The following CSMD1 variants were observed in gnomAD, a reference collection of about 807,000 sequenced individuals.
CSMD1 encodes the protein CUB and Sushi multiple domains 1.
CSMD1 carries 213 observed loss-of-function variants against 417.5 expected under a neutral mutation model. The observed-to-expected ratio is 0.51, with a 90% confidence interval of 0.46 to 0.57. CSMD1 has a LOEUF of 0.57. Among genes scored for constraint, CSMD1 ranks in the 20% least tolerant of loss-of-function variants. The pLI, the probability that CSMD1 is intolerant of heterozygous loss-of-function variation, is 0.00. For synonymous variants in CSMD1, 2,862 were observed against 1,736.8 expected (o/e 1.65, Z -16.11); for missense variants, 6,923 against 4,529.7 (o/e 1.53, Z -15.17).
intron 3 of CSMD1, among the ~76,000 whole-genome samples, chr8:4,236,025 T>TA (rs1802025101): frequency 5.5e-5 from 1 of 18,202 alleles, no homozygotes; most frequent in African/African-American, 6.3e-5. Flanking sequence ...TAATGGATAT[T>TA]GTTTTTTTTG....
intron 7 of CSMD1, among the ~76,000 whole-genome samples, chr8:3,647,045 G>A (rs940698987): frequency 1.3e-5 from 2 of 152,252 alleles, no homozygotes; most frequent in East Asian, 3.9e-4. Flanking sequence ...GGTGCTTCTT[G>A]CGTGTCAGCT....
chr8:3,338,637 C>T (rs1807430259), intron 23 of CSMD1, among the ~76,000 whole-genome samples: 1 of 152,266 alleles, frequency 6.6e-6, no homozygotes, highest in South Asian at 2.1e-4. Flanking sequence ...ACCAGCTATG[C>T]AGCTGATTCA....
At chr8:3,642,858 T>C (rs916924840) in intron 7 of CSMD1, among the ~76,000 whole-genome samples, 1 of 151,898 alleles carries the variant, frequency 6.6e-6, no homozygotes, top group African/African-American at 2.4e-5. Flanking sequence ...TATATCTATA[T>C]ATAGATTATA....
intron 2 of CSMD1, among the ~76,000 whole-genome samples, chr8:4,486,769 G>A (rs1161268251): frequency 1.3e-5 from 2 of 152,200 alleles, no homozygotes; most frequent in African/African-American, 4.8e-5. Flanking sequence ...CGAAGAACCT[G>A]AGTGATAAAC....
chr8:3,576,006 GAC>G (rs35389358), intron 9 of CSMD1, among the ~76,000 whole-genome samples: 62,590 of 151,638 alleles, frequency 0.41, 13,381 homozygotes, highest in Middle Eastern at 0.51. Flanking sequence ...ATTTTCCTAA[GAC>G]ATCCTATGAC....
intron 26 of CSMD1, among the ~76,000 whole-genome samples, chr8:3,281,846 T>G (rs10094873): frequency 0.75 from 114,291 of 151,992 alleles, 43,327 homozygotes; most frequent in Admixed American, 0.84. Flanking sequence ...CCTGGAGGGG[T>G]TGATTGGATC....
intron 2 of CSMD1, among the ~76,000 whole-genome samples, chr8:4,538,030 G>A (rs570851093): frequency 6.6e-6 from 1 of 152,084 alleles, no homozygotes; most frequent in Non-Finnish European, 1.5e-5. Context: ...ACATAACTGA[G>A]TATAAATATA....
In CSMD1 at chr8:3,891,107, G is replaced by C. The variant is rs1384010101; in HGVS notation, c.818+106796C>G. The stretch of plus-strand genomic sequence containing the variant: ...TCTGTCATCCAGGCTGGAGTGTAGT[G>C]TTGTGATCTTGGCTCATTACAACCT... On this transcript the variant is annotated intron_variant, in intron 5 of 69. Transcript: ENST00000635120. 2.6e-5 allele frequency among the ~76,000 whole-genome samples: 4 copies of C among 151,960 alleles called. 1 individual carries two copies. In the South Asian group the frequency reaches 6.2e-4, roughly 24 times the overall value.
chr8:4,627,292 G>C (rs758504513), intron 2 of CSMD1, among the ~76,000 whole-genome samples: 3 of 152,070 alleles, frequency 2.0e-5, no homozygotes, highest in Non-Finnish European at 4.4e-5. Context: ...ACAGAAAAAA[G>C]TCACTCAGCT....
At chr8:4,826,188 T>G (rs1799814997) in intron 1 of CSMD1, among the ~76,000 whole-genome samples, 2 of 152,106 alleles carry the variant, frequency 1.3e-5, no homozygotes, top group South Asian at 2.1e-4. Context: ...AGTACCCCAG[T>G]GTTCATTGTT....
chr8:4,064,573 C>T (rs1361428837), intron 3 of CSMD1, among the ~76,000 whole-genome samples: 1 of 152,212 alleles, frequency 6.6e-6, no homozygotes, highest in Admixed American at 6.5e-5. Flanking sequence ...CTCCTACTTC[C>T]ACCCTGTCAT....
chr8:3,031,260 A>G (rs1259906849), intron 50 of CSMD1, among the ~76,000 whole-genome samples: 1 of 144,226 alleles, frequency 6.9e-6, no homozygotes, highest in African/African-American at 2.5e-5. Flanking sequence ...TGGGAATTGA[A>G]CAACAAGATC....
At chr8:3,877,224 G>C (rs77151176) in intron 5 of CSMD1, among the ~76,000 whole-genome samples, 15 of 152,196 alleles carry the variant, frequency 9.9e-5, no homozygotes, top group African/African-American at 3.4e-4. Context: ...ACCCCACACT[G>C]CTTGCTTTGA....
chr8:4,652,494 C>G (rs1330934104), intron 1 of CSMD1, among the ~76,000 whole-genome samples: 1 of 151,974 alleles, frequency 6.6e-6, no homozygotes, highest in East Asian at 1.9e-4. Context: ...GCCGAGCCTG[C>G]CGAGACAGAT....
intron 7 of CSMD1, among the ~76,000 whole-genome samples, chr8:3,634,774 G>C (rs1289173587): frequency 1.3e-5 from 2 of 152,092 alleles, no homozygotes; most frequent in African/African-American, 4.8e-5. Flanking sequence ...TTACCCATTA[G>C]TGAATACAGC....
intron 8 of CSMD1, among the ~76,000 whole-genome samples, chr8:3,607,989 G>A (rs554090919): frequency 5.3e-5 from 8 of 152,174 alleles, no homozygotes; most frequent in Non-Finnish European, 8.8e-5. Flanking sequence ...GGCAAACATG[G>A]GAAAACCCTG....
At chr8:3,484,245 G>C (rs1563081846) in intron 11 of CSMD1, among the ~76,000 whole-genome samples, 1 of 152,306 alleles carries the variant, frequency 6.6e-6, no homozygotes, top group South Asian at 2.1e-4. Context: ...ACACACATCA[G>C]TGTAACAGAA....
intron 3 of CSMD1, among the ~76,000 whole-genome samples, chr8:4,174,037 G>T (rs1005371560): frequency 3.9e-5 from 6 of 152,188 alleles, no homozygotes; most frequent in African/African-American, 1.4e-4. Context: ...AATGCCCTGA[G>T]TTCATTGGTT....
At chr8:3,774,417 C>T (rs894476890) in intron 5 of CSMD1, among the ~76,000 whole-genome samples, 1 of 152,162 alleles carries the variant, frequency 6.6e-6, no homozygotes, top group Non-Finnish European at 1.5e-5. Context: ...TGCCGTCAGC[C>T]TGCTTTCCAC....
Sources: allele counts gnomAD v4.1 joint callset (sites outside exome capture counted in the v4.1 genomes callset), GRCh38; gene constraint gnomAD v4.1.1; transcripts MANE v1.5; gene names NCBI Gene and HGNC (gene_info 2026-07-23, HGNC 2026-07-21).